The following DLAT variants were observed in gnomAD, a reference collection of about 807,000 sequenced individuals.
DLAT encodes dihydrolipoyllysine-residue acetyltransferase component of pyruvate dehydrogenase complex, mitochondrial.
Under a neutral mutation model 68.0 loss-of-function variants are expected in DLAT, and 43 were observed. That is an observed-to-expected ratio of 0.63 (90% CI 0.50 to 0.81). The LOEUF is 0.81. Among genes scored for constraint, DLAT ranks in the 40% least tolerant of loss-of-function variants. DLAT has a pLI of 0.00. For missense variants in DLAT, 745 were observed against 815.4 expected, an observed-to-expected ratio of 0.91 and a Z score of 1.05; for synonymous variants, 265 against 288.6, an observed-to-expected ratio of 0.92 and a Z score of 0.83.
At chr11:112,060,967 A>G (rs1555183168) in intron 12 of DLAT, 71 bp from the exon 13 acceptor site, 2 of 1,413,850 alleles carry the variant, frequency 1.4e-6, no homozygotes, top group East Asian at 5.0e-5. Context: ...AGGTCTTTTC[A>G]CAGAACATTT....
chr11:112,043,396 A>G, intron 7 of DLAT, 70 bp from the exon 8 acceptor site: 1 of 1,425,652 alleles, frequency 7.0e-7, no homozygotes, highest in Admixed American at 1.7e-5. Flanking sequence ...GCAGTTTAGG[A>G]TCACAGCGTT....
At chr11:112,043,678 T>G (rs1863159197) in intron 8 of DLAT, 145 bp downstream of exon 8, 3 of 839,842 alleles carry the variant, frequency 3.6e-6, no homozygotes, top group Non-Finnish European at 6.1e-6. Context: ...CATCCCTCGG[T>G]ACCCATGAGA....
chr11:112,034,543 C>T (rs1555180225), intron 5 of DLAT, among the ~76,000 whole-genome samples: 2 of 150,254 alleles, frequency 1.3e-5, no homozygotes, highest in South Asian at 2.1e-4. Flanking sequence ...CCTGGGTTCA[C>T]GCCATTCTCC....
intron 7 of DLAT, among the ~76,000 whole-genome samples, chr11:112,041,245 G>A (rs1863037705): frequency 2.0e-5 from 3 of 152,164 alleles, no homozygotes; most frequent in African/African-American, 7.2e-5. Flanking sequence ...GTTTAAATAA[G>A]TTAACCAGTG....
intron 13 of DLAT, 99 bp from the exon 14 acceptor site, chr11:112,062,307 T>C: frequency 1.6e-6 from 2 of 1,268,014 alleles, no homozygotes; most frequent in Non-Finnish European, 2.3e-6. Context: ...AAGTATTACC[T>C]GGTTGGGATT....
intron 7 of DLAT, among the ~76,000 whole-genome samples, chr11:112,042,111 G>T (rs1555181038): frequency 2.0e-5 from 3 of 152,188 alleles, no homozygotes; most frequent in Non-Finnish European, 2.9e-5. Context: ...CATGGAAATG[G>T]ATGAAACGTT....
chr11:112,059,344 T>A (rs1864375399), intron 11 of DLAT, among the ~76,000 whole-genome samples: 1 of 151,756 alleles, frequency 6.6e-6, no homozygotes, highest in Non-Finnish European at 1.5e-5. Flanking sequence ...TGCTGACACA[T>A]TTCTCATTCT....
intron 2 of DLAT, among the ~76,000 whole-genome samples, chr11:112,026,536 A>G (rs1284820159): frequency 2.0e-5 from 3 of 151,994 alleles, no homozygotes; most frequent in Non-Finnish European, 4.4e-5. Flanking sequence ...CTTAAGGAGC[A>G]TGCTGCCTTC....
Position 112,062,874 on chromosome 11 carries a change from G to A in DLAT, c.*339G>A. ...GTTCCCTAAAGACAAGTACATAAAG[G>A]TGACCCTGATGAAACCTTGAAGTTC... is the stretch of plus-strand genomic sequence containing the variant. On this transcript the variant is annotated 3_prime_UTR_variant, in exon 14 of 14. Coordinates refer to ENST00000280346, the MANE Select transcript of DLAT (RefSeq NM_001931.5). 1 of 278,954 alleles carries A rather than the reference G, an allele frequency of 3.6e-6. No homozygotes were observed. The highest frequency in any genetic ancestry group is 7.0e-6 in the Non-Finnish European group (1 of 142,686). The allele number at this position is 278,954 out of a possible 1,614,324, so 17.3% of individuals were successfully genotyped here. A position where few individuals can be genotyped will look rare whatever the true frequency, so the allele number is the denominator to read the frequency against.
chr11:112,034,395 C>A (rs1204159348), intron 5 of DLAT, among the ~76,000 whole-genome samples: 1 of 151,366 alleles, frequency 6.6e-6, no homozygotes. Context: ...CTTCTTAATT[C>A]ATTTTTAGGC....
intron 13 of DLAT, among the ~76,000 whole-genome samples, chr11:112,062,094 A>T (rs782297845): frequency 1.3e-5 from 2 of 152,216 alleles, no homozygotes; most frequent in Non-Finnish European, 2.9e-5. Flanking sequence ...TCTGGGACAT[A>T]TGGCTGCTGT....
intron 7 of DLAT, among the ~76,000 whole-genome samples, chr11:112,041,821 G>A (rs1202213954): frequency 6.6e-6 from 1 of 151,980 alleles, no homozygotes. Flanking sequence ...GGCCAAACTT[G>A]CAGTGAGCCG....
At chr11:112,043,336 A>T in intron 7 of DLAT, 130 bp from the exon 8 acceptor site, 1 of 849,704 alleles carries the variant, frequency 1.2e-6, no homozygotes, top group Non-Finnish European at 2.0e-6. Context: ...GGGTAGGGTT[A>T]AGGCTGTGAA....
chr11:112,039,571 G>A (rs1433461542), intron 7 of DLAT, among the ~76,000 whole-genome samples, 174 bp downstream of exon 7: 1 of 152,146 alleles, frequency 6.6e-6, no homozygotes, highest in Non-Finnish European at 1.5e-5. Context: ...CCACAGAGTA[G>A]GGAAACTTTT....
At chr11:112,059,043 A>C (rs1205420521) in intron 11 of DLAT, among the ~76,000 whole-genome samples, 1 of 151,252 alleles carries the variant, frequency 6.6e-6, no homozygotes, top group African/African-American at 2.4e-5. Context: ...AGAAGATCTG[A>C]TATTGTGTAA....
At chr11:112,061,008 A>T in intron 12 of DLAT, 30 bp from the exon 13 acceptor site, 1 of 1,534,196 alleles carries the variant, frequency 6.5e-7, no homozygotes, top group Non-Finnish European at 8.8e-7. Context: ...TTGACAAACT[A>T]TAATTTATTT....
intron 13 of DLAT, 80 bp from the exon 14 acceptor site, chr11:112,062,326 G>T: frequency 6.8e-7 from 1 of 1,471,496 alleles, no homozygotes; most frequent in Non-Finnish European, 9.5e-7. Context: ...TTATAGGGTA[G>T]GAGTGAGCAT....
At chr11:112,043,374 C>T in intron 7 of DLAT, 92 bp from the exon 8 acceptor site, 5 of 1,209,314 alleles carry the variant, frequency 4.1e-6, no homozygotes, top group East Asian at 2.3e-5. Flanking sequence ...GGTAGTAAAC[C>T]CTTAGGAGCT....
At chr11:112,030,170 G>T in intron 4 of DLAT, 1 of 640,066 alleles carries the variant, frequency 1.6e-6, no homozygotes, top group Non-Finnish European at 3.0e-6. Flanking sequence ...TTATGACCCT[G>T]TGGAAAGTGC....
Sources: gnomAD v4.1 joint callset for allele counts (sites outside exome capture counted in the v4.1 genomes callset) on GRCh38, gnomAD v4.1.1 for gene constraint, MANE v1.5 for transcripts, NCBI Gene and HGNC (gene_info 2026-07-23, HGNC 2026-07-21) for gene names.